Variants in RAG1 observed in about 807,000 individuals in gnomAD.
RAG1 encodes the protein recombination activating 1.
A neutral mutation model predicts 62.7 loss-of-function variants in RAG1; 35 were observed. That is an observed-to-expected ratio of 0.56 (90% CI 0.43 to 0.74). The LOEUF (loss-of-function observed/expected upper bound fraction) is 0.74, where lower values mean the gene tolerates loss of function less well. Among genes scored for constraint, RAG1 ranks in the 30% least tolerant of loss-of-function variants. The probability of loss-of-function intolerance (pLI) is 0.00; values close to 1 mark genes in which losing one functional copy is unlikely to be tolerated. For missense variants in RAG1, 1,169 were observed against 1,278.6 expected, an observed-to-expected ratio of 0.91 and a Z score of 1.31; for synonymous variants, 461 against 470.3, an observed-to-expected ratio of 0.98 and a Z score of 0.26.
chr11:36,538,781 G>A (rs1175562225), downstream of RAG1, among the ~76,000 whole-genome samples: 1 of 152,112 alleles, frequency 6.6e-6, no homozygotes, highest in African/African-American at 2.4e-5. Context: ...TCTTATCTGA[G>A]GCGGATTTTC....
intron 2 of RAG1, among the ~76,000 whole-genome samples, chr11:36,530,599 T>C (rs941439216): frequency 1.3e-5 from 2 of 151,922 alleles, no homozygotes; most frequent in African/African-American, 4.8e-5. Context: ...TACTTAGGAG[T>C]ATGTTGTTTA....
At chr11:36,521,663 G>A (rs1307488840) in intron 2 of RAG1, among the ~76,000 whole-genome samples, 1 of 152,192 alleles carries the variant, frequency 6.6e-6, no homozygotes, top group Non-Finnish European at 1.5e-5. Context: ...AGATAACAGG[G>A]AGAGGTTGGA....
In RAG1 at chr11:36,549,460, G is replaced by A. The variant is rs181964276; in HGVS notation, c.-412+13426G>A. Among the ~76,000 whole-genome samples, 79 of 152,230 alleles carry A rather than the reference G, an allele frequency of 5.2e-4. 2 individuals are homozygous for A. The highest frequency in any genetic ancestry group is 3.1e-3 in the Admixed American group (48 of 15,274). On this transcript the variant is annotated intron_variant and NMD_transcript_variant, in intron 3 of 9. Transcript: ENST00000534663. Reference sequence around the variant, plus strand: ...CAAACAACCCTATCAAAAAGTGGGCGAAGGATATGAACAGACATTTCTCAA... The same window carrying A: ...CAAACAACCCTATCAAAAAGTGGGCAAAGGATATGAACAGACATTTCTCAA...
intron 3 of RAG1, among the ~76,000 whole-genome samples, chr11:36,543,184 G>C (rs951320217): frequency 2.0e-5 from 3 of 152,062 alleles, no homozygotes; most frequent in African/African-American, 7.2e-5. Flanking sequence ...ACCCTCTCAG[G>C]GTCTTAGGTA....
chr11:36,577,625 C>G lies in RAG1; in HGVS notation c.*1189C>G, dbSNP rs1163049556. The stretch of plus-strand genomic sequence containing the variant: ...TACCACTGTGGAATGTTTTCACACT[C>G]ATTTTTCCTTACAACAATTCTGAGG... On this transcript the variant is annotated 3_prime_UTR_variant, in exon 2 of 2. Coordinates refer to ENST00000299440, the MANE Select transcript of RAG1 (RefSeq NM_000448.3). The G allele has an allele frequency of 6.0e-6, 1 of 167,042 alleles. No homozygotes were observed. The highest frequency in any genetic ancestry group is 1.9e-4 in the East Asian group (1 of 5,198). 10.3% of individuals were successfully genotyped at this position (167,042 alleles called of 1,614,324 possible).
intron 2 of RAG1, among the ~76,000 whole-genome samples, chr11:36,524,995 TCTTC>T (rs1860138425): frequency 6.6e-6 from 1 of 152,094 alleles, no homozygotes. Context: ...CAAGTCTTTT[TCTTC>T]CTTCCTTCTT....
downstream of RAG1, among the ~76,000 whole-genome samples, chr11:36,536,623 T>G (rs1860331362): frequency 4.5e-5 from 1 of 22,430 alleles, no homozygotes; most frequent in African/African-American, 9.3e-5. Context: ...TCAAAGTTTT[T>G]TAAAAGACAA....
Position 36,575,511 on chromosome 11 carries a change from C to A in RAG1, c.2207C>A (p.Thr736Asn), listed in dbSNP as rs775773642. 2 of 1,614,234 alleles carry A rather than the reference C, an allele frequency of 1.2e-6. No individual in the cohort carries two copies. The highest frequency in any genetic ancestry group is 1.1e-5 in the South Asian group (1 of 91,086). The part of the protein sequence containing the change: ...SVYICTLCDA[T>N]RLEASQNLVF... Reference sequence around the variant, plus strand: ...TACATTTGTACTCTTTGTGATGCCACCCGTCTGGAAGCCTCTCAAAATCTT... The same window carrying A: ...TACATTTGTACTCTTTGTGATGCCAACCGTCTGGAAGCCTCTCAAAATCTT... Residue 736 changes from threonine to asparagine, a missense_variant, in exon 2 of 2, where the codon ACC (threonine) becomes AAC (asparagine). Thr to Asn is a moderately conservative substitution (Grantham distance 65). Transcript: ENST00000299440. The surrounding 1 kb of genome is among the most constrained non-coding windows in gnomAD (Gnocchi z 4.1).
At chr11:36,529,170 C>T (rs1860212823) in intron 2 of RAG1, among the ~76,000 whole-genome samples, 2 of 152,094 alleles carry the variant, frequency 1.3e-5, no homozygotes, top group South Asian at 2.1e-4. Flanking sequence ...GATACCAAAA[C>T]CTGGCAGAGA....
In RAG1 at chr11:36,574,787, A is replaced by G; in HGVS notation, c.1483A>G (p.Thr495Ala). Residue 495 changes from threonine to alanine, a missense_variant, in exon 2 of 2, where the codon ACA becomes GCA. Physicochemically the swap from Thr to Ala is moderately conservative, Grantham distance 58. Transcript: ENST00000299440. The part of the protein sequence containing the change: ...HKMYRTVKAI[T>A]GRQIFQPLHA... Reference sequence around the variant, plus strand: ...GATGTACAGGACTGTGAAAGCCATCACAGGGAGACAGATTTTTCAGCCTTT... The same window carrying G: ...GATGTACAGGACTGTGAAAGCCATCGCAGGGAGACAGATTTTTCAGCCTTT... 2 of 1,614,230 alleles carry G rather than the reference A, an allele frequency of 1.2e-6. No individual in the cohort carries two copies. Among genetic ancestry groups the G allele is most frequent in the East Asian group, 4.5e-5 (2 of 44,880 alleles).
intron 2 of RAG1, among the ~76,000 whole-genome samples, chr11:36,525,994 C>A (rs1441183508): frequency 6.6e-6 from 1 of 152,200 alleles, no homozygotes; most frequent in Non-Finnish European, 1.5e-5. Flanking sequence ...TGGTCGATTA[C>A]ATTAACTGGG....
chr11:36,542,268 C>G (rs1850317741), intron 3 of RAG1, among the ~76,000 whole-genome samples: 1 of 152,186 alleles, frequency 6.6e-6, no homozygotes, highest in South Asian at 2.1e-4. Flanking sequence ...CAAAGTGAGT[C>G]TCTTTAAAGA....
At chr11:36,550,780 C>A (rs1288463819) in intron 3 of RAG1, among the ~76,000 whole-genome samples, 1 of 152,062 alleles carries the variant, frequency 6.6e-6, no homozygotes, top group East Asian at 1.9e-4. Context: ...TTGGCAGCTC[C>A]AAGCATATGA....
chr11:36,570,691 T>C (rs1850726842), intron 1 of RAG1, among the ~76,000 whole-genome samples: 1 of 152,212 alleles, frequency 6.6e-6, no homozygotes, highest in African/African-American at 2.4e-5. Context: ...TCATTATTGC[T>C]TGTCATTTGG....
chr11:36,560,044 A>G lies in RAG1; in HGVS notation c.-411-3341A>G, dbSNP rs565085526. The stretch of plus-strand genomic sequence containing the variant: ...AGACTTTTTCGTGTGAGTCTGTCCT[A>G]TAGTGTCGATTGGGTAAAGTGGTTT... On this transcript the variant is annotated intron_variant and NMD_transcript_variant, in intron 3 of 9. Coordinates refer to the RAG1 transcript ENST00000534663. 4.3e-4 allele frequency among the ~76,000 whole-genome samples: 65 copies of G among 152,108 alleles called. 1 individual carries two copies. Among genetic ancestry groups the G allele is most frequent in the Admixed American group, 3.2e-3 (49 of 15,282 alleles).
At chr11:36,547,901 G>A (rs753350677) in intron 3 of RAG1, among the ~76,000 whole-genome samples, 4 of 152,106 alleles carry the variant, frequency 2.6e-5, no homozygotes, top group Non-Finnish European at 5.9e-5. Context: ...ACCTAATACA[G>A]CAGCACATCA....
At chr11:36,531,340 A>G (rs1316262828) in intron 2 of RAG1, among the ~76,000 whole-genome samples, 5 of 151,798 alleles carry the variant, frequency 3.3e-5, no homozygotes, top group East Asian at 1.9e-4. Flanking sequence ...AATTATTGGT[A>G]TGTTATGGCT....
intron 1 of RAG1, among the ~76,000 whole-genome samples, chr11:36,519,150 C>A (rs941699957): frequency 6.7e-6 from 1 of 149,788 alleles, no homozygotes; most frequent in Non-Finnish European, 1.5e-5. Flanking sequence ...TATTAAGGAC[C>A]ATTTACATTT....
downstream of RAG1, among the ~76,000 whole-genome samples, chr11:36,538,765 A>G (rs1860370268): frequency 6.6e-6 from 1 of 152,138 alleles, no homozygotes; most frequent in African/African-American, 2.4e-5. Flanking sequence ...AATACTTGTG[A>G]CAGCTTCTTA....
Sources: allele counts gnomAD v4.1 joint callset (sites outside exome capture counted in the v4.1 genomes callset), GRCh38; gene constraint gnomAD v4.1.1; non-coding constraint Gnocchi (gnomAD v3.1); transcripts MANE v1.5; gene names NCBI Gene and HGNC (gene_info 2026-07-23, HGNC 2026-07-21).